Variants in ADGRL2 observed in about 807,000 individuals in gnomAD.
The protein encoded by ADGRL2 is calcium-independent alpha-latrotoxin receptor 2.
A neutral mutation model predicts 157.4 loss-of-function variants in ADGRL2; 44 were observed. The observed-to-expected ratio is 0.28, with a 90% CI of 0.22 to 0.36. The LOEUF is 0.36. Ranked by LOEUF, ADGRL2 falls within the 10% of genes least tolerant of loss-of-function variation. The pLI is 1.00. For synonymous variants in ADGRL2, 585 were observed against 624.7 expected, an observed-to-expected ratio of 0.94 and a Z score of 0.95; for missense variants, 1,510 against 1,768.9, an observed-to-expected ratio of 0.85 and a Z score of 2.63.
At chr1:81,505,237 C>T (rs570639934) in intron 2 of ADGRL2, 6 of 534,824 alleles carry the variant, frequency 1.1e-5, no homozygotes, top group African/African-American at 3.7e-5. Context: ...CACCATCTCC[C>T]GAGGGCTGAC....
intron 3 of ADGRL2, among the ~76,000 whole-genome samples, chr1:81,910,749 T>G (rs969118323): frequency 6.6e-6 from 1 of 151,798 alleles, no homozygotes; most frequent in Admixed American, 6.6e-5. Context: ...AAAAAAAACT[T>G]AAAAATCCCA....
intron 1 of ADGRL2, chr1:81,414,526 G>GAC (rs2077001345): frequency 6.5e-6 from 1 of 152,686 alleles, no homozygotes; most frequent in Non-Finnish European, 1.5e-5. Flanking sequence ...GGGCAGAACA[G>GAC]GATGTGCTGG....
intron 1 of ADGRL2, among the ~76,000 whole-genome samples, chr1:81,826,796 A>G (rs1249387682): frequency 6.6e-6 from 1 of 152,214 alleles, no homozygotes; most frequent in Non-Finnish European, 1.5e-5. Context: ...CATTTACAGT[A>G]ATCCACTTCA....
intron 3 of ADGRL2, among the ~76,000 whole-genome samples, chr1:81,656,426 C>T (rs2082534632): frequency 6.6e-6 from 1 of 152,086 alleles, no homozygotes; most frequent in African/African-American, 2.4e-5. Context: ...ATAGATAGAC[C>T]AAGATTCACA....
intron 2 of ADGRL2, among the ~76,000 whole-genome samples, chr1:81,497,654 A>G (rs1336792585): frequency 2.0e-5 from 3 of 152,150 alleles, no homozygotes; most frequent in Admixed American, 6.5e-5. Context: ...AAGTTGTTTA[A>G]CCTTTCTCTA....
chr1:81,326,197 G>T (rs1297862005), intron 1 of ADGRL2, among the ~76,000 whole-genome samples: 1 of 152,146 alleles, frequency 6.6e-6, no homozygotes, highest in Non-Finnish European at 1.5e-5. Flanking sequence ...TTGAGGCAAA[G>T]CTTCTCAGTC....
intron 3 of ADGRL2, among the ~76,000 whole-genome samples, chr1:81,931,592 G>T (rs1050964168): frequency 4.6e-5 from 7 of 152,160 alleles, no homozygotes; most frequent in Non-Finnish European, 1.0e-4. Context: ...TAGAATTTGG[G>T]ACTGAGTGCT....
intron 2 of ADGRL2, among the ~76,000 whole-genome samples, chr1:81,852,434 G>GA (rs888262700): frequency 6.6e-6 from 1 of 151,956 alleles, no homozygotes; most frequent in African/African-American, 2.4e-5. Flanking sequence ...ATGTATGTGG[G>GA]AAAAAAATTT....
intron 2 of ADGRL2, among the ~76,000 whole-genome samples, chr1:81,566,209 G>A (rs1248258950): frequency 6.6e-6 from 1 of 152,078 alleles, no homozygotes; most frequent in Non-Finnish European, 1.5e-5. Context: ...ACATGTATTG[G>A]TTCCTGCAAA....
chr1:81,966,307 A>C (rs1375697214), intron 12 of ADGRL2, 97 bp from the exon 13 acceptor site: 5 of 1,511,508 alleles, frequency 3.3e-6, no homozygotes, highest in Non-Finnish European at 4.5e-6. Context: ...CAGATATAAA[A>C]CAGTGCCTTA....
chr1:81,667,871 G>A (rs997036742), intron 3 of ADGRL2, among the ~76,000 whole-genome samples: 3 of 151,914 alleles, frequency 2.0e-5, no homozygotes, highest in Admixed American at 6.6e-5. Flanking sequence ...CATCTACTGC[G>A]TATTTATAAG....
intron 4 of ADGRL2, among the ~76,000 whole-genome samples, chr1:81,937,589 G>C (rs576380114): frequency 6.6e-6 from 1 of 151,840 alleles, no homozygotes; most frequent in Non-Finnish European, 1.5e-5. Flanking sequence ...TTAAAAGTTT[G>C]AATATTACCT....
At chr1:81,658,396 C>T (rs752036919) in intron 3 of ADGRL2, among the ~76,000 whole-genome samples, 2 of 152,104 alleles carry the variant, frequency 1.3e-5, no homozygotes, top group Non-Finnish European at 2.9e-5. Context: ...CACATGGCCA[C>T]ATTGTCTCTT....
At chr1:81,835,995 A>C (rs2150177032) in intron 1 of ADGRL2, among the ~76,000 whole-genome samples, 1 of 152,252 alleles carries the variant, frequency 6.6e-6, no homozygotes, top group East Asian at 1.9e-4. Context: ...GTGATAAGCT[A>C]CATGAAGCAT....
rs369644345 is a variant in ADGRL2, at chr1:81,930,470, C to A, written c.288-6258C>A. ...GATGCCTTAAAAGTTAATATTGAGA[C>A]CTGAGAACATTGATTACATCTGGAA... On this transcript the variant is annotated intron_variant, in intron 3 of 23. Transcript: ENST00000686636. Among the ~76,000 whole-genome samples the A allele has an allele frequency of 2.2e-4, 34 of 152,128 alleles. No individual in the cohort carries two copies. The East Asian group carries it at 5.8e-3, about 26-fold the overall frequency.
chr1:81,707,075 C>T (rs537586886), intron 1 of ADGRL2, among the ~76,000 whole-genome samples: 2 of 152,230 alleles, frequency 1.3e-5, no homozygotes, highest in East Asian at 1.9e-4. Flanking sequence ...CTTGGTCTGC[C>T]GCGCTATTTT....
At chr1:81,403,001 C>T (rs2076783831) in intron 1 of ADGRL2, among the ~76,000 whole-genome samples, 1 of 152,208 alleles carries the variant, frequency 6.6e-6, no homozygotes, top group African/African-American at 2.4e-5. Context: ...AGAAGACACT[C>T]ACTTTGCAAA....
At chr1:81,681,540 A>G (rs947501578) in intron 3 of ADGRL2, among the ~76,000 whole-genome samples, 4 of 152,248 alleles carry the variant, frequency 2.6e-5, no homozygotes, top group African/African-American at 9.6e-5. Context: ...AATAATTGAC[A>G]TTAAAATTAA....
intron 2 of ADGRL2, among the ~76,000 whole-genome samples, chr1:81,488,865 A>G (rs916618370): frequency 3.3e-5 from 5 of 152,206 alleles, no homozygotes; most frequent in African/African-American, 1.2e-4. Context: ...CACCTTAAAG[A>G]TATTCAAAAA....
Sources: gnomAD v4.1 joint callset for allele counts (sites outside exome capture counted in the v4.1 genomes callset) on GRCh38, gnomAD v4.1.1 for gene constraint, MANE v1.5 for transcripts, NCBI Gene and HGNC (gene_info 2026-07-23, HGNC 2026-07-21) for gene names.